The following ULK4 variants were observed in gnomAD, a reference collection of about 807,000 sequenced individuals.
ULK4 encodes unc-51 like kinase 4.
In ULK4, 133 loss-of-function variants were observed where a neutral mutation model predicts 160.6. That is an observed-to-expected ratio of 0.83 (90% CI 0.72 to 0.96). The LOEUF (loss-of-function observed/expected upper bound fraction) is 0.96, where lower values mean the gene tolerates loss of function less well. ULK4 is among the 40% of genes least tolerant of loss of function. The pLI, the probability that ULK4 is intolerant of heterozygous loss-of-function variation, is 0.00. For missense variants in ULK4, 1,580 were observed against 1,499.5 expected (o/e 1.05, Z -0.89); for synonymous variants, 534 against 539.8 (o/e 0.99, Z 0.15).
rs557496262 is a variant in ULK4, at chr3:41,652,089, G to C, written c.3071+11518C>G. Among the ~76,000 whole-genome samples, 3 of 152,318 alleles carry C rather than the reference G, an allele frequency of 2.0e-5. No individual in the cohort carries two copies. The East Asian group carries it at 5.8e-4, about 29-fold the overall frequency. ...CTGACAGCAGAGATGAACAGTCTCA[G>C]TGGACCCAACTGAGCCTCATAAGAT... is the stretch of plus-strand genomic sequence containing the variant. On this transcript the variant is annotated intron_variant, in intron 30 of 36. Coordinates refer to ENST00000301831, the MANE Select transcript of ULK4 (RefSeq NM_017886.4).
intron 19 of ULK4, among the ~76,000 whole-genome samples, chr3:41,805,717 C>A (rs2040622121): frequency 1.3e-5 from 2 of 151,226 alleles, no homozygotes; most frequent in Non-Finnish European, 3.0e-5. Flanking sequence ...TTGTCAAAGG[C>A]CTTTTCTGCA....
intron 32 of ULK4, among the ~76,000 whole-genome samples, chr3:41,561,952 T>C (rs1024728942): frequency 4.5e-4 from 69 of 152,212 alleles, no homozygotes; most frequent in African/African-American, 1.6e-3. Flanking sequence ...ATTGTGATGT[T>C]AGGGTGCAGA....
intron 19 of ULK4, among the ~76,000 whole-genome samples, chr3:41,811,191 T>G (rs1264322661): frequency 6.6e-6 from 1 of 150,748 alleles, no homozygotes; most frequent in Non-Finnish European, 1.5e-5. Flanking sequence ...CTGGCCTTTA[T>G]TTATTTTTTA....
chr3:41,476,361 C>T (rs2084144138), intron 32 of ULK4, among the ~76,000 whole-genome samples: 1 of 152,192 alleles, frequency 6.6e-6, no homozygotes, highest in Non-Finnish European at 1.5e-5. Context: ...TAACACTCCC[C>T]TATCTCCCTA....
chr3:41,401,856 G>T (rs532140524), intron 34 of ULK4, among the ~76,000 whole-genome samples: 1 of 152,150 alleles, frequency 6.6e-6, no homozygotes, highest in Admixed American at 6.6e-5. Context: ...AGTTGCTATC[G>T]ACAAGGATGT....
At chr3:41,559,051 G>A (rs1329859084) in intron 32 of ULK4, among the ~76,000 whole-genome samples, 2 of 122,244 alleles carry the variant, frequency 1.6e-5, no homozygotes, top group Non-Finnish European at 3.4e-5. Flanking sequence ...AACAGGCCCC[G>A]GTGTATCATG....
At chr3:41,709,250 G>C (rs2037009181) in intron 25 of ULK4, among the ~76,000 whole-genome samples, 1 of 151,868 alleles carries the variant, frequency 6.6e-6, no homozygotes, top group Admixed American at 6.6e-5. Context: ...AAAACTTAAA[G>C]ACATTTATTG....
chr3:41,506,465 C>A (rs1469706798), intron 32 of ULK4, among the ~76,000 whole-genome samples: 1 of 151,960 alleles, frequency 6.6e-6, no homozygotes. Context: ...CATTCTTTTC[C>A]AGGTTTTGAG....
At chr3:41,730,216 A>C (rs2037778556) in intron 22 of ULK4, among the ~76,000 whole-genome samples, 1 of 152,150 alleles carries the variant, frequency 6.6e-6, no homozygotes, top group African/African-American at 2.4e-5. Flanking sequence ...AAAGAACCAA[A>C]CATTATACTT....
At chr3:41,279,265 A>AC (rs2079300917) in intron 35 of ULK4, among the ~76,000 whole-genome samples, 1 of 145,034 alleles carries the variant, frequency 6.9e-6, no homozygotes, top group African/African-American at 2.7e-5. Context: ...TAAAAAAAAA[A>AC]AAAAAAAAAA....
intron 35 of ULK4, among the ~76,000 whole-genome samples, chr3:41,390,496 G>A (rs1054563899): frequency 6.6e-5 from 10 of 151,748 alleles, no homozygotes; most frequent in South Asian, 2.1e-4. Context: ...TTTCTCTTAC[G>A]GGCATTTAGT....
intron 35 of ULK4, among the ~76,000 whole-genome samples, chr3:41,303,958 T>C (rs963038232): frequency 2.0e-5 from 3 of 152,106 alleles, no homozygotes; most frequent in African/African-American, 7.2e-5. Flanking sequence ...GCCATCACTA[T>C]TGTATTTGGA....
intron 22 of ULK4, among the ~76,000 whole-genome samples, chr3:41,750,451 G>T (rs2038581947): frequency 6.6e-6 from 1 of 152,064 alleles, no homozygotes; most frequent in Non-Finnish European, 1.5e-5. Context: ...TGGCATGTGA[G>T]ATCTCCTGGA....
intron 22 of ULK4, among the ~76,000 whole-genome samples, chr3:41,751,750 C>A (rs552834777): frequency 2.6e-5 from 4 of 152,290 alleles, no homozygotes; most frequent in Admixed American, 2.6e-4. Flanking sequence ...ATAGCATCAT[C>A]AGAGTGGCTC....
At chr3:41,730,743 A>C (rs2125864381) in intron 22 of ULK4, among the ~76,000 whole-genome samples, 1 of 152,340 alleles carries the variant, frequency 6.6e-6, no homozygotes, top group South Asian at 2.1e-4. Context: ...AAGACAAAGA[A>C]GTCTTTCAAA....
At chr3:41,280,945 T>C (rs557416438) in intron 35 of ULK4, among the ~76,000 whole-genome samples, 1 of 151,938 alleles carries the variant, frequency 6.6e-6, no homozygotes, top group East Asian at 1.9e-4. Context: ...AAGAATCAAA[T>C]AGATACAATA....
chr3:41,463,177 A>G lies in ULK4; in HGVS notation c.3303T>C (p.Asn1101=), dbSNP rs1261747063. 1.2e-6 allele frequency: 2 copies of G among 1,613,270 alleles called. No homozygotes were observed. Among genetic ancestry groups the G allele is most frequent in the South Asian group, 1.1e-5 (1 of 91,062 alleles). Residue 1101 remains asparagine, a synonymous_variant, in exon 33 of 37, where the codon AAT becomes AAC. Coordinates refer to ENST00000301831, the MANE Select transcript of ULK4 (RefSeq NM_017886.4). ...LCLDVDNKNN[N]EMAAPLLFSL... is the part of the protein sequence containing the mutation. ...AAAAGAGCAGTGGAGCTGCCATCTC[A>G]TTGTTGTTTTTATTGTCCACATCCA...
intron 32 of ULK4, among the ~76,000 whole-genome samples, chr3:41,531,507 GAAAAGA>G (rs1248704847): frequency 4.0e-5 from 5 of 126,036 alleles, no homozygotes; most frequent in South Asian, 2.6e-4. Flanking sequence ...AGAAGAAAAA[GAAAAGA>G]AAAAGAAAAA....
intron 17 of ULK4, among the ~76,000 whole-genome samples, chr3:41,837,229 C>T (rs1006892353): frequency 5.3e-4 from 81 of 152,138 alleles, no homozygotes; most frequent in Non-Finnish European, 5.4e-4. Flanking sequence ...AACAGCTTTA[C>T]TGAGGTATAA....
Sources: gnomAD v4.1 joint callset for allele counts (sites outside exome capture counted in the v4.1 genomes callset) on GRCh38, gnomAD v4.1.1 for gene constraint, MANE v1.5 for transcripts, NCBI Gene and HGNC (gene_info 2026-07-23, HGNC 2026-07-21) for gene names.